The following MAP2 variants were observed in gnomAD, a reference collection of about 807,000 sequenced individuals.
The protein encoded by MAP2 is microtubule-associated protein 2.
A neutral mutation model predicts 137.6 loss-of-function variants in MAP2; 14 were observed. The ratio of observed to expected loss-of-function variants is 0.10; its 90% CI spans 0.07 to 0.16. The LOEUF (loss-of-function observed/expected upper bound fraction) is 0.16, where lower values mean the gene tolerates loss of function less well. MAP2 is among the 10% of genes least tolerant of loss of function. The pLI, the probability that MAP2 is intolerant of heterozygous loss-of-function variation, is 1.00. For synonymous variants in MAP2, 786 were observed against 782.3 expected (o/e 1.00, Z -0.08); for missense variants, 2,088 against 2,191.5 (o/e 0.95, Z 0.94).
chr2:209,644,018 G>A (rs2094224027), intron 4 of MAP2, among the ~76,000 whole-genome samples: 1 of 152,160 alleles, frequency 6.6e-6, no homozygotes, highest in South Asian at 2.1e-4. Context: ...TTGGCTGAAA[G>A]CACTAGTCTT....
chr2:209,468,867 G>A (rs914394539), intron 1 of MAP2, among the ~76,000 whole-genome samples: 6 of 152,102 alleles, frequency 3.9e-5, no homozygotes, highest in Non-Finnish European at 7.4e-5. Context: ...GAGGCACAGG[G>A]CAACCAAGTA....
At chr2:209,426,809 C>T (rs1692692565) in intron 1 of MAP2, among the ~76,000 whole-genome samples, 3 of 152,180 alleles carry the variant, frequency 2.0e-5, no homozygotes, top group Admixed American at 2.0e-4. Flanking sequence ...TGAAACTTGG[C>T]ACAGAATCCT....
intron 3 of MAP2, among the ~76,000 whole-genome samples, chr2:209,597,518 C>T (rs939351613): frequency 6.6e-6 from 1 of 152,118 alleles, no homozygotes; most frequent in African/African-American, 2.4e-5. Context: ...CTATATCAAC[C>T]CTTGCTTCAC....
At chr2:209,438,053 G>C (rs7594469) in intron 1 of MAP2, among the ~76,000 whole-genome samples, 86,694 of 151,374 alleles carry the variant, frequency 0.57, 26,587 homozygotes, top group African/African-American at 0.79. Context: ...ATAGGCATGA[G>C]ACTGTACTAT....
intron 1 of MAP2, among the ~76,000 whole-genome samples, chr2:209,463,786 A>G (rs953612222): frequency 6.6e-6 from 1 of 152,112 alleles, no homozygotes; most frequent in African/African-American, 2.4e-5. Flanking sequence ...TTTCTTTTTT[A>G]TCTTTGTAGA....
chr2:209,524,200 A>G (rs1488493809), intron 2 of MAP2, among the ~76,000 whole-genome samples: 1 of 152,192 alleles, frequency 6.6e-6, no homozygotes, highest in Non-Finnish European at 1.5e-5. Flanking sequence ...AAAGGCATTC[A>G]TTTTGAAAGT....
chr2:209,666,570 T>G (rs944769433), intron 5 of MAP2, among the ~76,000 whole-genome samples: 4 of 152,080 alleles, frequency 2.6e-5, no homozygotes, highest in Non-Finnish European at 1.5e-5. Context: ...CAGACCACAT[T>G]TATCTTGCTC....
At chr2:209,698,618 CAAG>C (rs1313939621) in intron 10 of MAP2, among the ~76,000 whole-genome samples, 1 of 152,114 alleles carries the variant, frequency 6.6e-6, no homozygotes, top group Non-Finnish European at 1.5e-5. Context: ...CCTTCAAAAA[CAAG>C]AATCTAAGGC....
intron 2 of MAP2, among the ~76,000 whole-genome samples, chr2:209,561,094 G>A (rs2071951840): frequency 6.6e-6 from 1 of 152,172 alleles, no homozygotes; most frequent in Non-Finnish European, 1.5e-5. Context: ...GTTGGAGGAA[G>A]GAGAACACAC....
At chr2:209,648,169 G>A (rs10189639) in intron 4 of MAP2, among the ~76,000 whole-genome samples, 9,539 of 149,972 alleles carry the variant, frequency 0.064, 530 homozygotes, top group African/African-American at 0.15. Context: ...TGGTGTGATC[G>A]CGGCTCACTG....
rs2075810771 is a variant in MAP2, at chr2:209,731,793, A to G, written c.*1396A>G. On this transcript the variant is annotated 3_prime_UTR_variant, in exon 16 of 16. Coordinates refer to ENST00000682079, the MANE Select transcript of MAP2 (RefSeq NM_001375505.1). ...CCCCTGATCAGAAAGAAAAAATACA[A>G]TACTTTGGGAAGCTATAGCTATAAA... The G allele has an allele frequency of 1.3e-5, 2 of 152,192 alleles. No homozygotes were observed. The allele number at this position is 152,192 out of a possible 1,614,324, so 9.4% of individuals were successfully genotyped here.
intron 6 of MAP2, among the ~76,000 whole-genome samples, chr2:209,679,221 T>C (rs2053362231): frequency 1.3e-5 from 2 of 151,968 alleles, no homozygotes; most frequent in African/African-American, 4.8e-5. Flanking sequence ...AGTGCTGCTC[T>C]CTCCCTTAGT....
intron 12 of MAP2, among the ~76,000 whole-genome samples, chr2:209,707,495 G>A (rs1022690237): frequency 6.6e-6 from 1 of 152,176 alleles, no homozygotes; most frequent in East Asian, 1.9e-4. Flanking sequence ...CTATTGAAAA[G>A]ATTTGAAGGA....
intron 2 of MAP2, among the ~76,000 whole-genome samples, chr2:209,526,895 T>C (rs1050250010): frequency 6.6e-6 from 1 of 152,038 alleles, no homozygotes; most frequent in African/African-American, 2.4e-5. Flanking sequence ...AGATCTATGA[T>C]GGAATATAGT....
chr2:209,556,482 G>GT (rs960673419), intron 2 of MAP2, among the ~76,000 whole-genome samples: 2 of 152,104 alleles, frequency 1.3e-5, no homozygotes, highest in Non-Finnish European at 2.9e-5. Context: ...TCCTAAATCT[G>GT]TAAGTATTAC....
intron 5 of MAP2, among the ~76,000 whole-genome samples, chr2:209,674,985 G>T (rs1026849719): frequency 2.0e-5 from 3 of 151,816 alleles, no homozygotes; most frequent in Non-Finnish European, 4.4e-5. Context: ...CTTAGAGGAA[G>T]ATTTTAAATT....
At chr2:209,502,094 T>TA (rs1281223331) in intron 1 of MAP2, among the ~76,000 whole-genome samples, 2 of 152,186 alleles carry the variant, frequency 1.3e-5, no homozygotes, top group African/African-American at 2.4e-5. Context: ...CTTATTGTTT[T>TA]AAAAAATAAG....
intron 3 of MAP2, among the ~76,000 whole-genome samples, chr2:209,618,502 C>G (rs1211742416): frequency 6.6e-6 from 1 of 152,176 alleles, no homozygotes; most frequent in Non-Finnish European, 1.5e-5. Flanking sequence ...TGAACCTGCT[C>G]AATTTCCTTT....
At position 209,732,155 on chromosome 2, in the gene MAP2, C is replaced by T. The variant is rs1475191833; in HGVS notation, c.*1758C>T. The T allele has an allele frequency of 6.6e-6, 1 of 152,174 alleles. No individual in the cohort carries two copies. Among genetic ancestry groups the T allele is most frequent in the Admixed American group, 6.5e-5 (1 of 15,268 alleles). The allele number at this position is 152,174 out of a possible 1,614,324, so 9.4% of individuals were successfully genotyped here. ...AAATGGTCCACTAGGCGTATGATCT[C>T]TTTGAGCCAAATCAGTTCCTGAATA... On this transcript the variant is annotated 3_prime_UTR_variant, in exon 16 of 16. Transcript: ENST00000682079.
Sources: gnomAD v4.1 joint callset for allele counts (sites outside exome capture counted in the v4.1 genomes callset) on GRCh38, gnomAD v4.1.1 for gene constraint, MANE v1.5 for transcripts, NCBI Gene and HGNC (gene_info 2026-07-23, HGNC 2026-07-21) for gene names.